Variants in SLC10A7 observed in about 807,000 individuals in gnomAD.
SLC10A7 encodes sodium/bile acid cotransporter 7.
SLC10A7 carries 29 observed loss-of-function variants against 43.2 expected under a neutral mutation model. The ratio of observed to expected loss-of-function variants is 0.67; its 90% CI spans 0.50 to 0.92. The LOEUF (loss-of-function observed/expected upper bound fraction) is 0.92, where lower values mean the gene tolerates loss of function less well. Among genes scored for constraint, SLC10A7 ranks in the 40% least tolerant of loss-of-function variants. The probability of loss-of-function intolerance (pLI) is 0.00; values close to 1 mark genes in which losing one functional copy is unlikely to be tolerated. For synonymous variants in SLC10A7, 152 were observed against 144.8 expected (o/e 1.05, Z -0.35); for missense variants, 295 against 403.2 (o/e 0.73, Z 2.30).
At chr4:146,357,028 T>A (rs764440702) in intron 5 of SLC10A7, among the ~76,000 whole-genome samples, 3 of 152,128 alleles carry the variant, frequency 2.0e-5, no homozygotes, top group Non-Finnish European at 4.4e-5. Flanking sequence ...CCAAAGCCTG[T>A]AAGTAAAGAA....
chr4:146,475,852 C>A (rs370653613), intron 4 of SLC10A7, among the ~76,000 whole-genome samples: 13 of 152,278 alleles, frequency 8.5e-5, no homozygotes, highest in African/African-American at 2.6e-4. Flanking sequence ...CATATTAAAT[C>A]TTCACATTCT....
chr4:146,313,591 C>T (rs112731230), intron 6 of SLC10A7, among the ~76,000 whole-genome samples: 3 of 152,118 alleles, frequency 2.0e-5, no homozygotes, highest in South Asian at 2.1e-4. Flanking sequence ...ATTAATTATG[C>T]AACCATAAAT....
At chr4:146,291,273 T>A (rs965572467) in intron 9 of SLC10A7, among the ~76,000 whole-genome samples, 2 of 152,248 alleles carry the variant, frequency 1.3e-5, no homozygotes, top group African/African-American at 4.8e-5. Flanking sequence ...GCTTTCAGAC[T>A]TACCCAATTA....
chr4:146,509,745 G>A (rs1737275716), intron 3 of SLC10A7, among the ~76,000 whole-genome samples, 168 bp downstream of exon 3: 1 of 152,146 alleles, frequency 6.6e-6, no homozygotes, highest in Admixed American at 6.5e-5. Context: ...ATTATTTGAT[G>A]AACCTCCTTG....
chr4:146,425,471 T>A (rs1200649286), intron 5 of SLC10A7, among the ~76,000 whole-genome samples: 5 of 152,222 alleles, frequency 3.3e-5, no homozygotes, highest in African/African-American at 9.6e-5. Flanking sequence ...TAGAAAAGTT[T>A]AACTTCATTT....
rs570698255 is a variant in SLC10A7, at chr4:146,256,470, A to G, written c.*21T>C. 1.9e-6 allele frequency: 3 copies of G among 1,613,502 alleles called. No homozygotes were observed. Among genetic ancestry groups the G allele is most frequent in the Admixed American group, 1.7e-5 (1 of 60,022 alleles). On this transcript the variant is annotated 3_prime_UTR_variant, in exon 12 of 12. Transcript: ENST00000335472. ...CAATCCTGTACATATATACATTGCT[A>G]CAGAAAGTCCACCTCCTTTGTTATA... is the stretch of plus-strand genomic sequence containing the variant.
intron 5 of SLC10A7, among the ~76,000 whole-genome samples, chr4:146,421,254 T>C (rs1038124560): frequency 1.3e-5 from 2 of 152,130 alleles, no homozygotes; most frequent in African/African-American, 4.8e-5. Context: ...TTGCATACAG[T>C]AGTCACTAGG....
chr4:146,307,738 C>T (rs890461847), intron 6 of SLC10A7, among the ~76,000 whole-genome samples: 3 of 152,144 alleles, frequency 2.0e-5, no homozygotes, highest in South Asian at 2.1e-4. Flanking sequence ...CTATAATCTT[C>T]ATGTAAAAGG....
Position 146,442,134 on chromosome 4 carries a change from T to C in SLC10A7, c.435+649A>G, listed in dbSNP as rs1033131609. ...GTTTCTCAATCTTTCATAACACAAA[T>C]CAAGCCTCTGTTACATCATTTATTT... On this transcript the variant is annotated intron_variant, in intron 5 of 11. Transcript: ENST00000335472. The C allele has an allele frequency of 8.2e-6, 8 of 969,876 alleles. No homozygotes were observed. The African/African-American group carries it at 1.4e-4, about 17-fold the overall frequency. The allele number at this position is 969,876 out of a possible 1,614,324, so 60.1% of individuals were successfully genotyped here.
chr4:146,501,712 T>C (rs375462032), intron 4 of SLC10A7, among the ~76,000 whole-genome samples: 90 of 152,294 alleles, frequency 5.9e-4, no homozygotes, highest in African/African-American at 2.0e-3. Flanking sequence ...GAGTTCTTAG[T>C]GATCCTAGAA....
intron 7 of SLC10A7, among the ~76,000 whole-genome samples, chr4:146,295,955 AAAAT>A (rs1730756820): frequency 6.6e-6 from 1 of 152,180 alleles, no homozygotes; most frequent in African/African-American, 2.4e-5. Context: ...GCCCTCCAAC[AAAAT>A]AAATAAATAT....
intron 5 of SLC10A7, among the ~76,000 whole-genome samples, chr4:146,420,411 T>C (rs1728880791): frequency 6.6e-6 from 1 of 152,190 alleles, no homozygotes; most frequent in African/African-American, 2.4e-5. Context: ...AAAAACTTGG[T>C]CAGTATAAGT....
intron 4 of SLC10A7, among the ~76,000 whole-genome samples, chr4:146,483,092 A>G (rs1217924562): frequency 2.0e-5 from 3 of 152,234 alleles, no homozygotes; most frequent in Non-Finnish European, 4.4e-5. Flanking sequence ...TACTAAAAGG[A>G]GTTCCTTACG....
chr4:146,368,000 C>G (rs867985207), intron 5 of SLC10A7, among the ~76,000 whole-genome samples: 1 of 152,156 alleles, frequency 6.6e-6, no homozygotes. Context: ...CCCTCTTGCC[C>G]AGTCCTAAAA....
At chr4:146,456,292 G>A (rs1271963786) in intron 4 of SLC10A7, among the ~76,000 whole-genome samples, 1 of 151,908 alleles carries the variant, frequency 6.6e-6, no homozygotes. Context: ...AGGGATTGGT[G>A]AACTTTTAAA....
chr4:146,303,181 C>T (rs898922162), intron 7 of SLC10A7, among the ~76,000 whole-genome samples: 2 of 152,048 alleles, frequency 1.3e-5, no homozygotes, highest in Non-Finnish European at 2.9e-5. Flanking sequence ...CTCCAGAGTT[C>T]CCCATGGGTT....
intron 5 of SLC10A7, among the ~76,000 whole-genome samples, chr4:146,339,884 T>G (rs1578925979): frequency 6.7e-6 from 1 of 150,122 alleles, no homozygotes. Flanking sequence ...TAGGTATACA[T>G]GTGTCATGGT....
intron 1 of SLC10A7, among the ~76,000 whole-genome samples, chr4:146,520,224 T>A (rs999622877): frequency 2.6e-5 from 4 of 152,074 alleles, no homozygotes; most frequent in Non-Finnish European, 5.9e-5. Flanking sequence ...GCATTGCAGA[T>A]CATGCAAAGG....
chr4:146,485,489 C>T (rs1734832472), intron 4 of SLC10A7, among the ~76,000 whole-genome samples: 1 of 152,168 alleles, frequency 6.6e-6, no homozygotes, highest in African/African-American at 2.4e-5. Context: ...GGCAGAATTC[C>T]TCAGGGAGTC....
Sources: allele counts gnomAD v4.1 joint callset (sites outside exome capture counted in the v4.1 genomes callset), GRCh38; gene constraint gnomAD v4.1.1; transcripts MANE v1.5; gene names NCBI Gene and HGNC (gene_info 2026-07-23, HGNC 2026-07-21).